The following IRGM variants were observed in gnomAD, a reference collection of about 807,000 sequenced individuals.
The protein encoded by IRGM is immunity related GTPase M.
For missense variants in IRGM, 288 were observed against 219.9 expected, an observed-to-expected ratio of 1.31 and a Z score of -1.96; for synonymous variants, 98 against 80.6, an observed-to-expected ratio of 1.22 and a Z score of -1.16.
chr5:150,891,748 TG>T (rs1754613569), intron 3 of IRGM, among the ~76,000 whole-genome samples: 1 of 152,070 alleles, frequency 6.6e-6, no homozygotes, highest in Non-Finnish European at 1.5e-5. Flanking sequence ...CAGCTGTAAT[TG>T]TGTATGATAT....
At chr5:150,854,657 C>A (rs904232859) in intron 1 of IRGM, among the ~76,000 whole-genome samples, 2 of 152,146 alleles carry the variant, frequency 1.3e-5, no homozygotes, top group Non-Finnish European at 2.9e-5. Flanking sequence ...TGGCCTGCAA[C>A]CTTTCTGCTG....
At chr5:150,862,555 A>G (rs1426488522) in intron 1 of IRGM, among the ~76,000 whole-genome samples, 2 of 152,200 alleles carry the variant, frequency 1.3e-5, no homozygotes, top group Admixed American at 1.3e-4. Flanking sequence ...GCTGCTTTTA[A>G]GAAGATTTAA....
intron 1 of IRGM, among the ~76,000 whole-genome samples, chr5:150,868,789 C>A (rs1754241194): frequency 6.6e-6 from 1 of 152,080 alleles, no homozygotes; most frequent in African/African-American, 2.4e-5. Flanking sequence ...AGCTTGGTCA[C>A]TGTTGGTGTG....
chr5:150,856,861 T>C (rs977987613), intron 1 of IRGM, among the ~76,000 whole-genome samples: 1 of 148,080 alleles, frequency 6.8e-6, no homozygotes, highest in Admixed American at 6.7e-5. Context: ...TTTATTGTTA[T>C]TTATTAATTA....
chr5:150,901,923 A>G (rs1755007331), downstream of IRGM, among the ~76,000 whole-genome samples: 1 of 151,994 alleles, frequency 6.6e-6, no homozygotes, highest in Non-Finnish European at 1.5e-5. Flanking sequence ...AGGTTGCAGA[A>G]CAAAATATTT....
chr5:150,855,249 G>T (rs1359027724), intron 1 of IRGM, among the ~76,000 whole-genome samples: 1 of 152,084 alleles, frequency 6.6e-6, no homozygotes, highest in African/African-American at 2.4e-5. Flanking sequence ...AACATGCAGA[G>T]TAATTTTTCT....
At chr5:150,851,420 C>T (rs1753973313), downstream of IRGM, among the ~76,000 whole-genome samples, 1 of 152,128 alleles carries the variant, frequency 6.6e-6, no homozygotes, top group South Asian at 2.1e-4. Context: ...ATCAGGGGGA[C>T]CTCATCAGGA....
chr5:150,889,829 CATTG>C (rs1480104261), intron 3 of IRGM, among the ~76,000 whole-genome samples: 5 of 151,932 alleles, frequency 3.3e-5, no homozygotes, highest in African/African-American at 7.2e-5. Flanking sequence ...TGGTGACTTA[CATTG>C]ATTGATTTTC....
At chr5:150,896,811 T>C in intron 3 of IRGM, 1 of 1,613,790 alleles carries the variant, frequency 6.2e-7, no homozygotes. Context: ...CCTGAAGAGT[T>C]TGTCTTGATT....
chr5:150,859,703 G>T (rs1011236265), intron 1 of IRGM, among the ~76,000 whole-genome samples: 118 of 152,254 alleles, frequency 7.8e-4, no homozygotes, highest in African/African-American at 2.8e-3. Flanking sequence ...AGATTTTCTA[G>T]TTTATTTGCA....
chr5:150,888,458 G>A (rs1473126088), intron 3 of IRGM, among the ~76,000 whole-genome samples: 1 of 152,006 alleles, frequency 6.6e-6, no homozygotes, highest in African/African-American at 2.4e-5. Flanking sequence ...AAATGGATCT[G>A]ATAGAATGGA....
Position 150,848,329 on chromosome 5 carries a change from T to C in IRGM, c.206T>C (p.Val69Ala). ...AAGGCCTCACCTCCTACTGAGCTGG[T>C]AAAAGCTACCCAAAGATGTGCCTCC... ...EGKASPPTEL[V>A]KATQRCASYF... The change falls in exon 2 of 2, where the codon GTA (valine) becomes GCA (alanine). Residue 69 changes from valine (V) to alanine (A), a missense_variant. Transcript: ENST00000522154. 6.4e-7 allele frequency: 1 copy of C among 1,551,816 alleles called. No homozygotes were observed. Among genetic ancestry groups the C allele is most frequent in the Non-Finnish European group, 8.7e-7 (1 of 1,146,970 alleles).
chr5:150,865,067 C>T (rs1754187682), intron 1 of IRGM, among the ~76,000 whole-genome samples: 1 of 152,144 alleles, frequency 6.6e-6, no homozygotes, highest in Admixed American at 6.5e-5. Flanking sequence ...TACCATCTAC[C>T]ACATACCCAT....
At chr5:150,864,912 A>T (rs1754185420) in intron 1 of IRGM, among the ~76,000 whole-genome samples, 1 of 152,228 alleles carries the variant, frequency 6.6e-6, no homozygotes, top group Non-Finnish European at 1.5e-5. Flanking sequence ...GCTCTTGACG[A>T]TGGGCGTGTC....
At chr5:150,853,205 G>T (rs1360843507), downstream of IRGM, among the ~76,000 whole-genome samples, 1 of 152,054 alleles carries the variant, frequency 6.6e-6, no homozygotes, top group Non-Finnish European at 1.5e-5. Context: ...TTGTTTAAAA[G>T]TGTGTTGTTT....
At chr5:150,859,037 C>T (rs1157336292) in intron 1 of IRGM, among the ~76,000 whole-genome samples, 1 of 152,116 alleles carries the variant, frequency 6.6e-6, no homozygotes, top group East Asian at 1.9e-4. Context: ...AGTTTTTGCC[C>T]ATTCAGTATG....
At chr5:150,879,235 G>A (rs1262345404) in intron 2 of IRGM, among the ~76,000 whole-genome samples, 2 of 152,160 alleles carry the variant, frequency 1.3e-5, no homozygotes, top group Non-Finnish European at 2.9e-5. Flanking sequence ...TTAATTGCAT[G>A]CCAGTGTTTA....
At chr5:150,896,959 G>T (rs1348881854) in intron 3 of IRGM, 1 of 1,609,716 alleles carries the variant, frequency 6.2e-7, no homozygotes, top group Non-Finnish European at 8.5e-7. Context: ...GAGTTGTGAA[G>T]GTTACTCTTC....
chr5:150,851,955 T>A (rs530615701), downstream of IRGM, among the ~76,000 whole-genome samples: 1 of 152,212 alleles, frequency 6.6e-6, no homozygotes, highest in Non-Finnish European at 1.5e-5. Context: ...CTAACATGTA[T>A]GGCATGTACA....
Sources: gnomAD v4.1 joint callset for allele counts (sites outside exome capture counted in the v4.1 genomes callset) on GRCh38, gnomAD v4.1.1 for gene constraint, MANE v1.5 for transcripts, NCBI Gene and HGNC (gene_info 2026-07-23, HGNC 2026-07-21) for gene names.